PATJ: variants seen among roughly 807,000 people sequenced by gnomAD.
PATJ encodes the protein PATJ crumbs cell polarity complex component, also known as inaD-like protein.
Under a neutral mutation model 224.9 loss-of-function variants are expected in PATJ, and 190 were observed. That is an observed-to-expected ratio of 0.84 (90% confidence interval 0.75 to 0.95). The LOEUF is 0.95. PATJ is among the 40% of genes least tolerant of loss of function. The pLI is 0.00. For missense variants in PATJ, 2,121 were observed against 2,270.3 expected, an observed-to-expected ratio of 0.93 and a Z score of 1.34; for synonymous variants, 769 against 820.3, an observed-to-expected ratio of 0.94 and a Z score of 1.07.
At chr1:62,065,856 C>A (rs1488223859) in intron 31 of PATJ, among the ~76,000 whole-genome samples, 3 of 152,210 alleles carry the variant, frequency 2.0e-5, no homozygotes, top group Non-Finnish European at 1.5e-5. Context: ...CCGGTCACAT[C>A]CCCTCCTTTC....
At chr1:61,914,702 GTTTTGT>G (rs766412662) in intron 26 of PATJ, 38 bp downstream of exon 26, 26 of 1,369,928 alleles carry the variant, frequency 1.9e-5, no homozygotes, top group Non-Finnish European at 1.9e-5. Flanking sequence ...AAATGTTTTT[GTTTTGT>G]TTTTGTTTTT....
intron 34 of PATJ, among the ~76,000 whole-genome samples, chr1:62,112,881 G>A (rs1265932162): frequency 1.3e-5 from 2 of 152,174 alleles, no homozygotes; most frequent in Non-Finnish European, 2.9e-5. Context: ...GAGGCAGCAT[G>A]GAATAGGAAC....
At chr1:62,007,600 A>G (rs1646168409) in intron 28 of PATJ, among the ~76,000 whole-genome samples, 1 of 152,230 alleles carries the variant, frequency 6.6e-6, no homozygotes, top group African/African-American at 2.4e-5. Flanking sequence ...TTTTGGTTGC[A>G]AAGAACAGAA....
chr1:61,918,080 A>AAAGT (rs1673709319), intron 26 of PATJ: 1 of 151,538 alleles, frequency 6.6e-6, no homozygotes, highest in African/African-American at 2.4e-5. Flanking sequence ...AGAAAGAAAG[A>AAAGT]AAACATTATC....
At chr1:62,128,991 G>C in intron 41 of PATJ, 46 bp downstream of exon 41, 1 of 1,329,596 alleles carries the variant, frequency 7.5e-7, no homozygotes, top group Non-Finnish European at 1.1e-6. Context: ...CAGATAAGTG[G>C]CATGCAAAAA....
chr1:61,979,000 G>A (rs769083038), intron 27 of PATJ, among the ~76,000 whole-genome samples: 7 of 152,014 alleles, frequency 4.6e-5, no homozygotes, highest in Non-Finnish European at 1.0e-4. Context: ...CAAGAAAAAG[G>A]CATTGATGCT....
intron 28 of PATJ, among the ~76,000 whole-genome samples, chr1:62,002,824 A>T (rs1645869108): frequency 6.6e-6 from 1 of 152,168 alleles, no homozygotes; most frequent in South Asian, 2.1e-4. Context: ...ATGTCTATAC[A>T]AGGGACAAGT....
chr1:62,037,950 G>T (rs1301945743), intron 29 of PATJ, 27 bp from the exon 30 acceptor site: 1 of 1,545,998 alleles, frequency 6.5e-7, no homozygotes, highest in African/African-American at 1.4e-5. Context: ...ACTGTGTACT[G>T]ATTCTGCCTA....
At chr1:61,820,573 C>T (rs1340429104) in intron 14 of PATJ, among the ~76,000 whole-genome samples, 1 of 152,210 alleles carries the variant, frequency 6.6e-6, no homozygotes, top group Non-Finnish European at 1.5e-5. Flanking sequence ...AACTCACTAC[C>T]TCAGGTGATC....
chr1:61,891,877 C>T (rs945143171), intron 22 of PATJ, among the ~76,000 whole-genome samples: 14 of 152,184 alleles, frequency 9.2e-5, no homozygotes, highest in African/African-American at 3.1e-4. Context: ...CCCAGAAAGT[C>T]CTCCTGCCCC....
intron 34 of PATJ, among the ~76,000 whole-genome samples, chr1:62,110,087 C>T (rs1663615119): frequency 6.6e-6 from 1 of 152,140 alleles, no homozygotes; most frequent in African/African-American, 2.4e-5. Context: ...TGGCAACTGG[C>T]AGCATTATAT....
chr1:61,912,148 T>G lies in PATJ; in HGVS notation c.3493-2439T>G, dbSNP rs368303780. ...AAGGGTACCTACTTTTTTTGACACA[T>G]GAACATTTTGCATATTAATCACCTA... On this transcript the variant is annotated intron_variant, in intron 25 of 43. Coordinates refer to ENST00000642238, the MANE Select transcript of PATJ (RefSeq NM_001350145.3). Among the ~76,000 whole-genome samples the G allele has an allele frequency of 3.3e-5, 5 of 152,170 alleles. No individual in the cohort carries two copies. In the East Asian group the frequency reaches 7.7e-4, roughly 23 times the overall value.
chr1:61,912,975 A>G (rs1672911056), intron 25 of PATJ, among the ~76,000 whole-genome samples: 2 of 152,164 alleles, frequency 1.3e-5, no homozygotes, highest in Admixed American at 1.3e-4. Context: ...TAGAAATATT[A>G]GGTTACTAGT....
rs368223697 is a variant in PATJ, at chr1:61,822,912, C to G, written c.1684-33C>G. 3.1e-6 allele frequency: 5 copies of G among 1,612,240 alleles called. No individual in the cohort carries two copies. In the Admixed American group the frequency reaches 5.0e-5, roughly 16 times the overall value. ...GATGAATAGCCGGATGTGTCATTGT[C>G]ATGTTTGATCATTGCTTTGTGTTTT... On this transcript the variant is annotated intron_variant, in intron 14 of 43. Transcript: ENST00000642238.
intron 37 of PATJ, 28 bp downstream of exon 37, chr1:62,117,246 C>A: frequency 6.2e-7 from 1 of 1,613,484 alleles, no homozygotes; most frequent in Non-Finnish European, 8.5e-7. Context: ...ATCAGACTGA[C>A]TCACTCTTCT....
At chr1:62,158,738 A>AG (rs1286396989) in intron 43 of PATJ, among the ~76,000 whole-genome samples, 1 of 146,946 alleles carries the variant, frequency 6.8e-6, no homozygotes, top group Non-Finnish European at 1.5e-5. Flanking sequence ...AAACAAAAAA[A>AG]AAGAGTTCGA....
chr1:62,009,248 G>A (rs1393448704), intron 28 of PATJ, among the ~76,000 whole-genome samples: 1 of 151,980 alleles, frequency 6.6e-6, no homozygotes, highest in Non-Finnish European at 1.5e-5. Context: ...TTTATTTACA[G>A]GCATACTTCA....
At chr1:61,907,020 G>A (rs1671952621) in intron 24 of PATJ, among the ~76,000 whole-genome samples, 1 of 152,116 alleles carries the variant, frequency 6.6e-6, no homozygotes, top group Non-Finnish European at 1.5e-5. Flanking sequence ...CTGTTCTTGT[G>A]ATAGTGAGTG....
chr1:62,076,728 T>G (rs1478000788), intron 31 of PATJ, among the ~76,000 whole-genome samples: 1 of 152,252 alleles, frequency 6.6e-6, no homozygotes, highest in Non-Finnish European at 1.5e-5. Flanking sequence ...AGTCGTAATT[T>G]AGTAATCTAG....
Sources: gnomAD v4.1 joint callset for allele counts (sites outside exome capture counted in the v4.1 genomes callset) on GRCh38, gnomAD v4.1.1 for gene constraint, MANE v1.5 for transcripts, NCBI Gene and HGNC (gene_info 2026-07-23, HGNC 2026-07-21) for gene names.